The following MYH13 variants were observed in gnomAD, a reference collection of about 807,000 sequenced individuals.
MYH13 encodes myosin-13.
In MYH13, 177 loss-of-function variants were observed where a neutral mutation model predicts 232.1. That is an observed-to-expected ratio of 0.76 (90% CI 0.67 to 0.86). The LOEUF is 0.86. MYH13 is among the 40% of genes least tolerant of loss of function. MYH13 has a pLI of 0.00. For missense variants in MYH13, 2,246 were observed against 2,405.9 expected (o/e 0.93, Z 1.39); for synonymous variants, 884 against 923.5 (o/e 0.96, Z 0.78).
intron 23 of MYH13, among the ~76,000 whole-genome samples, chr17:10,322,872 G>T (rs1359722621): frequency 6.6e-6 from 1 of 151,880 alleles, no homozygotes; most frequent in African/African-American, 2.4e-5. Context: ...TGACCTCGTG[G>T]TCTGCCCACC....
rs1236076329 is a variant in MYH13, at chr17:10,328,065, C to T, written c.2492G>A (p.Trp831Ter). The T allele has an allele frequency of 2.5e-6, 4 of 1,614,038 alleles. No homozygotes were observed. Among genetic ancestry groups the T allele is most frequent in the Non-Finnish European group, 3.4e-6 (4 of 1,180,036 alleles). Residue 831 changes from tryptophan (W) to a stop codon, truncating the protein, a stop_gained, in exon 22 of 41, where the codon TGG becomes TAG. Transcript: ENST00000252172. LOFTEE classifies it high-confidence loss of function. ...NIRSFMNVKH[W>*]PWMNLFFKIK... ...TTTGAAGAACAGGTTCATCCAGGGC[C>T]AGTGCTTGACGTTCATAAAAGAGCG... is the stretch of plus-strand genomic sequence containing the variant.
At chr17:10,313,802 G>T (rs1447859151) in intron 29 of MYH13, among the ~76,000 whole-genome samples, 6 of 152,210 alleles carry the variant, frequency 3.9e-5, no homozygotes, top group Admixed American at 3.9e-4. Flanking sequence ...ATTAAAAAGG[G>T]AATAATTTTC....
chr17:10,307,110 CT>C, intron 35 of MYH13, 46 bp from the exon 36 acceptor site: 2 of 1,590,776 alleles, frequency 1.3e-6, no homozygotes, highest in Non-Finnish European at 1.7e-6. Flanking sequence ...TATTGGGGCG[CT>C]TAAAAAAATT....
chr17:10,309,255 G>A lies in MYH13; in HGVS notation c.5148C>T (p.Arg1716=). The change falls in exon 35 of 41, where the codon CGC becomes CGT. Residue 1716 remains arginine (R), a synonymous_variant. Coordinates refer to ENST00000252172, the MANE Select transcript of MYH13 (RefSeq NM_003802.3). ...GCACCTGGGAGTGCAGGAGCTGCAC[G>A]CGGTCGCTGGCGTCCAGCAGCTCCT... is the stretch of plus-strand genomic sequence containing the variant. ...SEQELLDASD[R]VQLLHSQNTS... 6.2e-7 allele frequency: 1 copy of A among 1,613,542 alleles called. No homozygotes were observed. The highest frequency in any genetic ancestry group is 8.5e-7 in the Non-Finnish European group (1 of 1,179,808).
chr17:10,340,543 G>A (rs868837292), intron 16 of MYH13, 142 bp from the exon 17 acceptor site: 118 of 632,388 alleles, frequency 1.9e-4, no homozygotes, highest in Non-Finnish European at 3.0e-4. Flanking sequence ...GTTTTAGACG[G>A]AGTGTTGCTC....
chr17:10,358,992 T>A (rs1490689918), intron 7 of MYH13, among the ~76,000 whole-genome samples: 1 of 152,242 alleles, frequency 6.6e-6, no homozygotes, highest in African/African-American at 2.4e-5. Context: ...CTCAAGTCCA[T>A]TCTGGTGGAA....
At position 10,362,201 on chromosome 17, in the gene MYH13, G is replaced by A. The variant is rs1453234317; in HGVS notation, c.422C>T (p.Ala141Val). Residue 141 changes from alanine (A) to valine (V), a missense_variant, in exon 5 of 41, where the codon GCT (alanine) becomes GTT (valine). Ala to Val is a moderately conservative substitution (Grantham distance 64, BLOSUM62 0). Coordinates refer to ENST00000252172, the MANE Select transcript of MYH13 (RefSeq NM_003802.3). ...WLPVYKPEVV[A>V]AYRGKKRQEA... ...CTGGCGCTTTTTGCCTCTGTAGGCA[G>A]CCACCACCTCGGGCTTGTACACCGG... 2.5e-6 allele frequency: 4 copies of A among 1,613,844 alleles called. No homozygotes were observed. The highest frequency in any genetic ancestry group is 3.4e-6 in the Non-Finnish European group (4 of 1,179,872).
chr17:10,313,222 C>T lies in MYH13; in HGVS notation c.4117G>A (p.Ala1373Thr), dbSNP rs1433507557. 1 of 1,614,234 alleles carries T rather than the reference C, an allele frequency of 6.2e-7. No individual in the cohort carries two copies. Among genetic ancestry groups the T allele is most frequent in the Admixed American group, 1.7e-5 (1 of 60,032 alleles). ...RALSKANSEV[A>T]QWRTKYETDA... The stretch of plus-strand genomic sequence containing the variant: ...GTCTCGTATTTGGTCCTCCACTGGG[C>T]AACCTCACTGTTGGCCTTGGACAGC... Residue 1373 changes from alanine to threonine, a missense_variant, in exon 30 of 41, where the codon GCC becomes ACC. Coordinates refer to ENST00000252172, the MANE Select transcript of MYH13 (RefSeq NM_003802.3).
At chr17:10,348,120 G>A (rs540308402) in intron 12 of MYH13, among the ~76,000 whole-genome samples, 6 of 152,142 alleles carry the variant, frequency 3.9e-5, no homozygotes, top group Non-Finnish European at 5.9e-5. Flanking sequence ...GGCCAGATGC[G>A]TGCTTTACTC....
At position 10,357,751 on chromosome 17, in the gene MYH13, T is replaced by C. The variant is rs889902107; in HGVS notation, c.722A>G (p.Asp241Gly). 19 of 1,613,628 alleles carry C rather than the reference T, an allele frequency of 1.2e-5. No individual in the cohort carries two copies. The African/African-American group carries it at 2.5e-4, about 22-fold the overall frequency. Residue 241 changes from aspartate to glycine, a missense_variant, in exon 8 of 41, where the codon GAC (aspartate) becomes GGC (glycine). Transcript: ENST00000252172. ...AFGNAKTVRN[D>G]NSSRFGKFIR... The stretch of plus-strand genomic sequence containing the variant: ...GGATCTTACAAATCTTGAGGAGTTG[T>C]CATTCCTCACAGTCTTGGCATTTCC...
At chr17:10,311,801 C>T (rs1440225215) in intron 32 of MYH13, 110 bp downstream of exon 32, 16 of 1,267,132 alleles carry the variant, frequency 1.3e-5, no homozygotes, top group Non-Finnish European at 1.7e-5. Context: ...GGGTGAGGAT[C>T]GTGTGGGGCA....
At chr17:10,355,598 G>T (rs1431355019) in intron 8 of MYH13, among the ~76,000 whole-genome samples, 1 of 152,108 alleles carries the variant, frequency 6.6e-6, no homozygotes, top group Non-Finnish European at 1.5e-5. Flanking sequence ...CCTCTCCACC[G>T]GGTGCCCAGT....
intron 18 of MYH13, among the ~76,000 whole-genome samples, chr17:10,339,179 T>C (rs780158087): frequency 6.6e-6 from 1 of 151,860 alleles, no homozygotes; most frequent in Non-Finnish European, 1.5e-5. Context: ...GTGTTGGGCA[T>C]AGAACAGCTC....
chr17:10,338,688 TG>T (rs1289750751), intron 18 of MYH13, among the ~76,000 whole-genome samples: 7 of 84,284 alleles, frequency 8.3e-5, no homozygotes, highest in Non-Finnish European at 1.7e-4. Context: ...CTTTTATCCT[TG>T]TTTTTTTTTT....
chr17:10,324,203 A>G lies in MYH13; in HGVS notation c.2753T>C (p.Leu918Pro). The change falls in exon 23 of 41, where the codon CTA (leucine) becomes CCA (proline). Residue 918 changes from leucine to proline, a missense_variant. Transcript: ENST00000252172. ...CAGCTCCTTGACTTTTGCTTCCAGT[A>G]GGATCTTGCTTTTGATGAGTCCTTC... ...RCEGLIKSKI[L>P]LEAKVKELTE... 2 of 1,613,870 alleles carry G rather than the reference A, an allele frequency of 1.2e-6. No homozygotes were observed. The highest frequency in any genetic ancestry group is 1.7e-6 in the Non-Finnish European group (2 of 1,179,850).
In MYH13 at chr17:10,306,870, C is replaced by A. The variant is rs1011483107; in HGVS notation, c.5295+69G>T. ...CATAAGAGATGAAACATACTTGCCACACCCTGGCTCAGAGGCCCCACTTTC... is the reference window on the plus strand; with the variant it reads ...CATAAGAGATGAAACATACTTGCCAAACCCTGGCTCAGAGGCCCCACTTTC... On this transcript the variant is annotated intron_variant, in intron 36 of 40. Transcript: ENST00000252172. The surrounding 1 kb of genome is among the most constrained non-coding windows in gnomAD (Gnocchi z 4.3). The A allele has an allele frequency of 5.6e-6, 9 of 1,603,476 alleles. No homozygotes were observed. In the Admixed American group the frequency reaches 1.0e-4, roughly 18 times the overall value.
rs532929988 is a variant in MYH13 at position 10,360,533 on chromosome 17, G to C, written c.506-345C>G. Among the ~76,000 whole-genome samples the C allele has an allele frequency of 2.8e-3, 431 of 152,262 alleles. 3 individuals are homozygous for C. The highest frequency in any genetic ancestry group is 5.1e-3 in the Non-Finnish European group (345 of 68,014). On this transcript the variant is annotated intron_variant, in intron 5 of 40. Coordinates refer to ENST00000252172, the MANE Select transcript of MYH13 (RefSeq NM_003802.3). ...GCAAGTGTCAGGTTCAGAGCTTGTGGGGCCACAGCTTTTCATCAGCATTTA... is the reference window on the plus strand; with the variant it reads ...GCAAGTGTCAGGTTCAGAGCTTGTGCGGCCACAGCTTTTCATCAGCATTTA...
chr17:10,338,520 C>T (rs2071593427), intron 18 of MYH13, among the ~76,000 whole-genome samples: 1 of 151,776 alleles, frequency 6.6e-6, no homozygotes, highest in Non-Finnish European at 1.5e-5. Flanking sequence ...GCTGGGTGTT[C>T]ACAATGTGCT....
At chr17:10,345,103 G>C (rs1230622000) in intron 15 of MYH13, 99 bp downstream of exon 15, 2 of 1,592,476 alleles carry the variant, frequency 1.3e-6, no homozygotes, top group East Asian at 2.2e-5. Context: ...TTGCAGCCTG[G>C]GGGCTAGGGG....
Sources: allele counts gnomAD v4.1 joint callset (sites outside exome capture counted in the v4.1 genomes callset), GRCh38; gene constraint gnomAD v4.1.1; non-coding constraint Gnocchi (gnomAD v3.1); transcripts MANE v1.5; gene names NCBI Gene and HGNC (gene_info 2026-07-23, HGNC 2026-07-21).